Variants in SGMS1 observed in about 807,000 individuals in gnomAD.
SGMS1 encodes sphingomyelin synthase 1.
In SGMS1, 13 loss-of-function variants were observed where a neutral mutation model predicts 46.2. That is an observed-to-expected ratio of 0.28 (90% CI 0.18 to 0.45). SGMS1 has a LOEUF of 0.45. Among genes scored for constraint, SGMS1 ranks in the 20% least tolerant of loss-of-function variants. The pLI, the probability that SGMS1 is intolerant of heterozygous loss-of-function variation, is 1.00. For synonymous variants in SGMS1, 203 were observed against 187.8 expected (o/e 1.08, Z -0.66); for missense variants, 324 against 519.9 (o/e 0.62, Z 3.66).
At chr10:50,338,548 C>T (rs1257339201) in intron 7 of SGMS1, among the ~76,000 whole-genome samples, 4 of 80,656 alleles carry the variant, frequency 5.0e-5, no homozygotes, top group Non-Finnish European at 9.4e-5. Flanking sequence ...TTCACAGAGA[C>T]CCCCAAAAAC....
chr10:50,561,889 G>A (rs2131840315), intron 2 of SGMS1, among the ~76,000 whole-genome samples: 1 of 152,218 alleles, frequency 6.6e-6, no homozygotes, highest in Middle Eastern at 3.4e-3. Flanking sequence ...GACCCCAAAA[G>A]TACACCCACT....
rs1197008943 is a variant in SGMS1 at position 50,306,172 on chromosome 10, T to C, written c.*970A>G. On this transcript the variant is annotated 3_prime_UTR_variant, in exon 11 of 11. Coordinates refer to ENST00000361781, the MANE Select transcript of SGMS1 (RefSeq NM_147156.4). ...GATAAAATAATTTAAGTGGTACATG[T>C]CATTGCTACCTGATCACAATATGTG... is the stretch of plus-strand genomic sequence containing the variant. The C allele has an allele frequency of 2.0e-5, 3 of 152,688 alleles. No individual in the cohort carries two copies. The highest frequency in any genetic ancestry group is 4.4e-5 in the Non-Finnish European group (3 of 68,010). The allele number at this position is 152,688 out of a possible 1,614,324, so 9.5% of individuals were successfully genotyped here.
intron 6 of SGMS1, among the ~76,000 whole-genome samples, chr10:50,425,948 T>A (rs1019453161): frequency 1.3e-5 from 2 of 152,176 alleles, no homozygotes; most frequent in Non-Finnish European, 2.9e-5. Flanking sequence ...TCCAAAAATA[T>A]ATGTACAAAG....
chr10:50,364,042 G>C (rs1254124576), intron 6 of SGMS1, among the ~76,000 whole-genome samples: 2 of 151,824 alleles, frequency 1.3e-5, no homozygotes, highest in African/African-American at 4.8e-5. Flanking sequence ...TTTAAAAAGA[G>C]AGCTCCTGTA....
At chr10:50,328,525 T>C (rs190150165) in intron 7 of SGMS1, among the ~76,000 whole-genome samples, 163 of 152,360 alleles carry the variant, frequency 1.1e-3, no homozygotes, top group African/African-American at 3.5e-3. Flanking sequence ...CAAAGATATG[T>C]CACTTGTGTG....
intron 6 of SGMS1, among the ~76,000 whole-genome samples, chr10:50,406,536 C>T (rs1216280159): frequency 6.6e-6 from 1 of 152,176 alleles, no homozygotes; most frequent in Non-Finnish European, 1.5e-5. Flanking sequence ...CCAACAAGGT[C>T]TGGATCTCAG....
intron 9 of SGMS1, among the ~76,000 whole-genome samples, chr10:50,309,130 T>C (rs928565673): frequency 3.3e-5 from 5 of 152,154 alleles, no homozygotes; most frequent in Non-Finnish European, 5.9e-5. Context: ...TGTGGAAAAA[T>C]AATAAAGTTG....
chr10:50,469,846 T>C (rs1209944247), intron 3 of SGMS1, among the ~76,000 whole-genome samples: 1 of 152,180 alleles, frequency 6.6e-6, no homozygotes, highest in Non-Finnish European at 1.5e-5. Flanking sequence ...GAACCAAGGT[T>C]GTGGAAAGAA....
At chr10:50,579,642 C>G (rs980641234) in intron 2 of SGMS1, among the ~76,000 whole-genome samples, 1 of 152,264 alleles carries the variant, frequency 6.6e-6, no homozygotes, top group South Asian at 2.1e-4. Flanking sequence ...CTATCCCCAG[C>G]CACACTGTAA....
At chr10:50,563,953 C>G (rs1213656679) in intron 2 of SGMS1, among the ~76,000 whole-genome samples, 1 of 152,160 alleles carries the variant, frequency 6.6e-6, no homozygotes, top group Non-Finnish European at 1.5e-5. Flanking sequence ...CCAGGCCAGT[C>G]CTTACACCAG....
In SGMS1 at chr10:50,346,341, C is replaced by T. The variant is rs11005286; in HGVS notation, c.-231-1996G>A. Among the ~76,000 whole-genome samples, 304 of 152,156 alleles carry T rather than the reference C, an allele frequency of 2.0e-3. 4 individuals carry two copies. The East Asian group carries it at 0.048, about 24-fold the overall frequency. ...TCTATTATATCCAGTAGCCACTGTCCACTACATCTCACTATAAAAAAAACT... is the reference window on the plus strand; with the variant it reads ...TCTATTATATCCAGTAGCCACTGTCTACTACATCTCACTATAAAAAAAACT... On this transcript the variant is annotated intron_variant, in intron 6 of 10. Transcript: ENST00000361781.
At chr10:50,320,992 T>C (rs562841711) in intron 8 of SGMS1, among the ~76,000 whole-genome samples, 1 of 152,332 alleles carries the variant, frequency 6.6e-6, no homozygotes, top group Non-Finnish European at 1.5e-5. Context: ...GTCTTATATA[T>C]TGTGTGTCCT....
chr10:50,592,832 A>G (rs1838554447), intron 1 of SGMS1, among the ~76,000 whole-genome samples: 1 of 152,234 alleles, frequency 6.6e-6, no homozygotes, highest in Non-Finnish European at 1.5e-5. Flanking sequence ...TGAGCTCGCC[A>G]ATTTAGTTTG....
intron 3 of SGMS1, among the ~76,000 whole-genome samples, chr10:50,513,319 A>G (rs1335959765): frequency 6.6e-6 from 1 of 152,178 alleles, no homozygotes; most frequent in Non-Finnish European, 1.5e-5. Flanking sequence ...TGCCCCTTTC[A>G]GCTCCAGTTT....
chr10:50,560,229 T>C (rs1838222553), intron 2 of SGMS1, among the ~76,000 whole-genome samples: 1 of 143,754 alleles, frequency 7.0e-6, no homozygotes, highest in African/African-American at 2.5e-5. Context: ...TTACATAATA[T>C]ATAACATAAT....
intron 2 of SGMS1, among the ~76,000 whole-genome samples, chr10:50,540,604 A>T (rs1838043467): frequency 6.6e-6 from 1 of 152,204 alleles, no homozygotes; most frequent in African/African-American, 2.4e-5. Context: ...AATTAAAGTC[A>T]ACAATTTGAA....
intron 5 of SGMS1, among the ~76,000 whole-genome samples, chr10:50,447,251 A>C (rs908132222): frequency 2.0e-5 from 3 of 152,320 alleles, no homozygotes; most frequent in Admixed American, 6.5e-5. Context: ...CTAAAATACT[A>C]AATTCCTACT....
At chr10:50,391,328 G>GGACTT (rs950050538) in intron 6 of SGMS1, among the ~76,000 whole-genome samples, 1 of 152,078 alleles carries the variant, frequency 6.6e-6, no homozygotes, top group African/African-American at 2.4e-5. Flanking sequence ...TGCTGTTGTG[G>GGACTT]GACTTGAACA....
At chr10:50,399,604 T>C (rs1848900950) in intron 6 of SGMS1, among the ~76,000 whole-genome samples, 1 of 152,208 alleles carries the variant, frequency 6.6e-6, no homozygotes, top group Admixed American at 6.5e-5. Flanking sequence ...TATGAGAATG[T>C]GTATGAATTA....
Sources: gnomAD v4.1 joint callset for allele counts (sites outside exome capture counted in the v4.1 genomes callset) on GRCh38, gnomAD v4.1.1 for gene constraint, MANE v1.5 for transcripts, NCBI Gene and HGNC (gene_info 2026-07-23, HGNC 2026-07-21) for gene names.